The following LRMDA variants were observed in gnomAD, a reference collection of about 807,000 sequenced individuals.
The protein encoded by LRMDA is leucine rich melanocyte differentiation associated, also known as leucine-rich melanocyte differentiation-associated protein.
A neutral mutation model predicts 29.8 loss-of-function variants in LRMDA; 18 were observed. The ratio of observed to expected loss-of-function variants is 0.60; its 90% confidence interval spans 0.42 to 0.90. The LOEUF (loss-of-function observed/expected upper bound fraction) is 0.90. Among genes scored for constraint, LRMDA ranks in the 40% least tolerant of loss-of-function variants. The pLI, the probability that LRMDA is intolerant of heterozygous loss-of-function variation, is 0.00. For missense variants in LRMDA, 273 were observed against 273.9 expected, an observed-to-expected ratio of 1.00 and a Z score of 0.02; for synonymous variants, 125 against 109.4, an observed-to-expected ratio of 1.14 and a Z score of -0.89.
Position 75,480,520 on chromosome 10 carries a change from A to G in LRMDA, c.131+42026A>G, listed in dbSNP as rs539620662. On this transcript the variant is annotated intron_variant, in intron 2 of 6. Coordinates refer to ENST00000611255, the MANE Select transcript of LRMDA (RefSeq NM_001305581.2). ...CAAGTAAGGTGGCCTTGGGAGCTGA[A>G]GAGTGATTCAGGCAGAGGGAACACA... Among the ~76,000 whole-genome samples, 13 of 152,378 alleles carry G rather than the reference A, an allele frequency of 8.5e-5. No individual in the cohort carries two copies. In the East Asian group the frequency reaches 2.1e-3, roughly 25 times the overall value.
At chr10:75,951,400 T>C (rs1212088436) in intron 2 of LRMDA, among the ~76,000 whole-genome samples, 1 of 151,994 alleles carries the variant, frequency 6.6e-6, no homozygotes, top group African/African-American at 2.4e-5. Flanking sequence ...CCTAGAGGAA[T>C]TGGGAGAACA....
At chr10:76,229,968 A>G (rs1255804026) in intron 5 of LRMDA, among the ~76,000 whole-genome samples, 2 of 152,012 alleles carry the variant, frequency 1.3e-5, no homozygotes, top group Admixed American at 6.6e-5. Context: ...ATTTCTATCT[A>G]TTGGTAGGCT....
At chr10:75,477,348 T>C (rs1375745405) in intron 2 of LRMDA, among the ~76,000 whole-genome samples, 1 of 152,174 alleles carries the variant, frequency 6.6e-6, no homozygotes, top group Admixed American at 6.5e-5. Context: ...TGTCTCCCAT[T>C]CTGAGAATCT....
chr10:76,502,960 G>A (rs1321139219), intron 6 of LRMDA, among the ~76,000 whole-genome samples: 3 of 151,790 alleles, frequency 2.0e-5, no homozygotes, highest in Admixed American at 6.6e-5. Context: ...GGACATATTT[G>A]TCTTGTTACA....
chr10:76,330,417 C>G (rs1840890698), intron 6 of LRMDA, among the ~76,000 whole-genome samples: 1 of 152,182 alleles, frequency 6.6e-6, no homozygotes, highest in Non-Finnish European at 1.5e-5. Flanking sequence ...TGTTCAGATT[C>G]TTCTTGGCCT....
Position 75,631,056 on chromosome 10 carries a change from TCTC to T in LRMDA, c.131+192565_131+192567del, listed in dbSNP as rs558096691. Among the ~76,000 whole-genome samples the T allele has an allele frequency of 2.0e-4, 31 of 152,278 alleles. 1 individual carries two copies. In the South Asian group the frequency reaches 6.2e-3, roughly 31 times the overall value. ...ATCTGTGTGAGATCTGCTCCTTTCT[TCTC>T]CTGCCCCAGAGCCAGGCCTGAACTT... On this transcript the variant is annotated intron_variant, in intron 2 of 6. Coordinates refer to ENST00000611255, the MANE Select transcript of LRMDA (RefSeq NM_001305581.2).
intron 6 of LRMDA, among the ~76,000 whole-genome samples, chr10:76,333,398 C>G (rs1483634663): frequency 6.6e-6 from 1 of 152,124 alleles, no homozygotes; most frequent in Non-Finnish European, 1.5e-5. Flanking sequence ...GTCTTAGAAG[C>G]CTTAGATTTC....
chr10:75,669,571 A>G (rs1841866313), intron 2 of LRMDA, among the ~76,000 whole-genome samples: 4 of 152,230 alleles, frequency 2.6e-5, no homozygotes, highest in African/African-American at 9.6e-5. Flanking sequence ...TTAGACTTTT[A>G]CAGTAAATTT....
chr10:76,520,263 G>GATATA (rs1843105139), intron 6 of LRMDA, among the ~76,000 whole-genome samples: 1 of 145,394 alleles, frequency 6.9e-6, no homozygotes, highest in Admixed American at 6.9e-5. Context: ...TAATCTTTCA[G>GATATA]TTTTTTTTTT....
chr10:75,699,924 G>T (rs1217473429), intron 2 of LRMDA, among the ~76,000 whole-genome samples: 1 of 152,138 alleles, frequency 6.6e-6, no homozygotes, highest in East Asian at 1.9e-4. Flanking sequence ...TGACCATGGA[G>T]GCAGAAATTG....
At chr10:75,718,430 A>G (rs1194365787) in intron 2 of LRMDA, among the ~76,000 whole-genome samples, 3 of 152,202 alleles carry the variant, frequency 2.0e-5, no homozygotes, top group Non-Finnish European at 4.4e-5. Context: ...ATTTCAGTCT[A>G]CATTCCAGGA....
chr10:75,914,528 G>A (rs1042359546), intron 2 of LRMDA, among the ~76,000 whole-genome samples: 1 of 152,180 alleles, frequency 6.6e-6, no homozygotes, highest in African/African-American at 2.4e-5. Flanking sequence ...AAGTTAAGAA[G>A]CATAATTCAA....
chr10:75,632,193 C>T (rs1841332677), intron 2 of LRMDA, among the ~76,000 whole-genome samples: 1 of 152,104 alleles, frequency 6.6e-6, no homozygotes, highest in Non-Finnish European at 1.5e-5. Context: ...GAGATAGAGT[C>T]AGAGGGATAT....
intron 6 of LRMDA, among the ~76,000 whole-genome samples, chr10:76,493,263 C>T (rs977126351): frequency 5.9e-5 from 9 of 151,956 alleles, no homozygotes; most frequent in South Asian, 2.1e-4. Context: ...GTAGATGAGC[C>T]GCTCCCTATT....
At chr10:75,903,541 C>T (rs1480477954) in intron 2 of LRMDA, among the ~76,000 whole-genome samples, 4 of 152,212 alleles carry the variant, frequency 2.6e-5, no homozygotes, top group African/African-American at 4.8e-5. Context: ...AGCCATTCCC[C>T]GCATTTGCAT....
chr10:75,776,650 T>C (rs1843315224), intron 2 of LRMDA, among the ~76,000 whole-genome samples: 1 of 152,204 alleles, frequency 6.6e-6, no homozygotes, highest in African/African-American at 2.4e-5. Context: ...AGCAAGGGAA[T>C]TGCATGCTGT....
At chr10:76,439,473 G>T (rs950007937) in intron 6 of LRMDA, among the ~76,000 whole-genome samples, 1 of 152,130 alleles carries the variant, frequency 6.6e-6, no homozygotes, top group African/African-American at 2.4e-5. Context: ...TTCTCTCCTT[G>T]CACTGCTTGA....
intron 2 of LRMDA, among the ~76,000 whole-genome samples, chr10:75,441,189 A>G (rs978329769): frequency 2.0e-5 from 3 of 152,180 alleles, no homozygotes; most frequent in Non-Finnish European, 2.9e-5. Flanking sequence ...ATGATATCCA[A>G]ATGAAATATT....
intron 6 of LRMDA, among the ~76,000 whole-genome samples, chr10:76,419,257 C>T (rs1842049297): frequency 6.6e-6 from 1 of 152,214 alleles, no homozygotes; most frequent in African/African-American, 2.4e-5. Context: ...TCCCTCCTAA[C>T]TATTCCCTGG....
Sources: allele counts gnomAD v4.1 joint callset (sites outside exome capture counted in the v4.1 genomes callset), GRCh38; gene constraint gnomAD v4.1.1; transcripts MANE v1.5; gene names NCBI Gene and HGNC (gene_info 2026-07-23, HGNC 2026-07-21).